MYOCD: variants seen among roughly 807,000 people sequenced by gnomAD.
The protein encoded by MYOCD is myocardin.
In MYOCD, 32 loss-of-function variants were observed where a neutral mutation model predicts 96.1. The observed-to-expected ratio is 0.33, with a 90% CI of 0.25 to 0.45. MYOCD has a LOEUF of 0.45. Among genes scored for constraint, MYOCD ranks in the 20% least tolerant of loss-of-function variants. The pLI is 1.00. For synonymous variants in MYOCD, 469 were observed against 469.0 expected (o/e 1.00, Z 0.00); for missense variants, 1,133 against 1,200.6 (o/e 0.94, Z 0.83).
At position 12,758,151 on chromosome 17, in the gene MYOCD, A is replaced by G. The variant is rs370610730; in HGVS notation, c.2269A>G (p.Lys757Glu). 6.2e-7 allele frequency: 1 copy of G among 1,614,070 alleles called. No individual in the cohort carries two copies. The highest frequency in any genetic ancestry group is 8.5e-7 in the Non-Finnish European group (1 of 1,180,030). The change falls in exon 12 of 14, where the codon AAG (lysine) becomes GAG (glutamate). Residue 757 changes from lysine (K) to glutamate (E), a missense_variant. Transcript: ENST00000425538. ...KFSIPSPTFS[K>E]SSSAISEVTQ... ...TTCAATTCCATCCCCAACTTTTTCT[A>G]AGTCAAGTTCAGCAATTTCAGAGGT...
intron 2 of MYOCD, among the ~76,000 whole-genome samples, chr17:12,714,764 G>A (rs993557218): frequency 1.3e-5 from 2 of 152,128 alleles, no homozygotes; most frequent in East Asian, 1.9e-4. Context: ...GGTTGTTCAC[G>A]GCTGCTGTGT....
chr17:12,702,502 C>T lies in MYOCD; in HGVS notation c.56-2626C>T, dbSNP rs574515642. On this transcript the variant is annotated intron_variant, in intron 1 of 13. Coordinates refer to ENST00000425538, the MANE Select transcript of MYOCD (RefSeq NM_001146312.3). ...TGGCCTTTATAAATTCTTTCTGATA[C>T]ACTCTGTTTTATTTGAGCATTTCAA... 5.3e-4 allele frequency among the ~76,000 whole-genome samples: 81 copies of T among 152,024 alleles called. 1 individual carries two copies. The highest frequency in any genetic ancestry group is 1.9e-3 in the African/African-American group (77 of 41,518).
intron 2 of MYOCD, among the ~76,000 whole-genome samples, chr17:12,715,201 G>T (rs150990818): frequency 6.6e-6 from 1 of 152,102 alleles, no homozygotes; most frequent in Non-Finnish European, 1.5e-5. Context: ...AAACCAGAGC[G>T]TTATTTCTGT....
intron 1 of MYOCD, among the ~76,000 whole-genome samples, chr17:12,693,285 T>C (rs1425622110): frequency 6.6e-6 from 1 of 152,032 alleles, no homozygotes; most frequent in East Asian, 1.9e-4. Context: ...TCGTGGGACA[T>C]TTATGTTTTT....
intron 5 of MYOCD, among the ~76,000 whole-genome samples, chr17:12,735,368 C>T (rs2032311167): frequency 7.1e-6 from 1 of 141,202 alleles, no homozygotes; most frequent in African/African-American, 2.6e-5. Flanking sequence ...CTAGTCCCAT[C>T]TGGTGTGATA....
chr17:12,713,515 A>G (rs957665445), intron 2 of MYOCD, among the ~76,000 whole-genome samples: 3 of 152,190 alleles, frequency 2.0e-5, no homozygotes, highest in African/African-American at 7.2e-5. Context: ...ATTCTTTTTA[A>G]CCACTTAATA....
rs1310611210 is a variant in MYOCD at position 12,722,952 on chromosome 17, A to G, written c.359A>G (p.Glu120Gly). 1.9e-6 allele frequency: 3 copies of G among 1,613,818 alleles called. No individual in the cohort carries two copies. In the African/African-American group the frequency reaches 4.0e-5, roughly 22 times the overall value. ...EKIALRPGPLELVEKNILPVD... is the reference protein window; with the variant it reads ...EKIALRPGPLGLVEKNILPVD... ...ATTGCTCTACGACCAGGGCCACTGG[A>G]GCTGGTGGAAAAAAACATTCTTCCT... The change falls in exon 5 of 14, where the codon GAG becomes GGG. Residue 120 changes from glutamate to glycine, a missense_variant. By Grantham distance (98) the Glu-to-Gly change is moderately conservative (BLOSUM62 -2). Coordinates refer to ENST00000425538, the MANE Select transcript of MYOCD (RefSeq NM_001146312.3).
In MYOCD at chr17:12,665,943, C is replaced by T. The variant is rs900617211; in HGVS notation, c.-246C>T. 1 of 536,468 alleles carries T rather than the reference C, an allele frequency of 1.9e-6. No homozygotes were observed. Among genetic ancestry groups the T allele is most frequent in the East Asian group, 3.1e-5 (1 of 32,708 alleles). The allele number at this position is 536,468 out of a possible 1,614,324, so 33.2% of individuals were successfully genotyped here. On this transcript the variant is annotated 5_prime_UTR_variant, in exon 1 of 14. Transcript: ENST00000425538. This position sits in a 1 kb window ranked among gnomAD's most constrained non-coding sequence, Gnocchi z 4.2. ...GGAACGCCTGGGATGCCGCGCTGCT[C>T]CTGGCCAACCTCCGAGGAGGAGGAG...
chr17:12,744,569 G>A (rs2032608434), intron 8 of MYOCD, 133 bp downstream of exon 8: 3 of 1,299,898 alleles, frequency 2.3e-6, no homozygotes. Context: ...ATGTTTGGAA[G>A]GTGACTCAAT....
intron 9 of MYOCD, among the ~76,000 whole-genome samples, chr17:12,749,667 A>ATG: frequency 1.3e-5 from 1 of 76,976 alleles, no homozygotes; most frequent in Non-Finnish European, 2.9e-5. Flanking sequence ...ATATACACAT[A>ATG]TGTATATACA....
At chr17:12,669,424 C>T (rs991423414) in intron 1 of MYOCD, among the ~76,000 whole-genome samples, 1 of 152,154 alleles carries the variant, frequency 6.6e-6, no homozygotes, top group African/African-American at 2.4e-5. Context: ...TGAACTTGAC[C>T]CCACCCCCAC....
At chr17:12,755,987 G>A (rs1379801445) in intron 10 of MYOCD, among the ~76,000 whole-genome samples, 3 of 152,218 alleles carry the variant, frequency 2.0e-5, no homozygotes, top group African/African-American at 7.2e-5. Flanking sequence ...GAAAGGGCTG[G>A]AAAGGTCCAG....
intron 9 of MYOCD, among the ~76,000 whole-genome samples, chr17:12,749,797 T>C (rs958281129): frequency 1.3e-5 from 2 of 151,126 alleles, no homozygotes; most frequent in African/African-American, 4.9e-5. Flanking sequence ...TTCCTCAGGC[T>C]AGAATAAAAT....
At chr17:12,728,779 A>T (rs186060229) in intron 5 of MYOCD, among the ~76,000 whole-genome samples, 147 of 152,268 alleles carry the variant, frequency 9.7e-4, no homozygotes, top group African/African-American at 3.3e-3. Flanking sequence ...GTGCCCAGCC[A>T]GTCTTTTTAA....
chr17:12,693,186 T>C (rs559546760), intron 1 of MYOCD, among the ~76,000 whole-genome samples: 1 of 152,318 alleles, frequency 6.6e-6, no homozygotes, highest in Non-Finnish European at 1.5e-5. Flanking sequence ...ATATTTTCCC[T>C]TCTTTAGGAA....
Position 12,736,297 on chromosome 17 carries a change from C to T in MYOCD, c.552C>T (p.Ala184=), listed in dbSNP as rs550680272. ...CGGGATCCCCGCCAGACGCTAAAGCCTCAGATACCCCTTCGACAGGTTCTC... is the reference window on the plus strand; with the variant it reads ...CGGGATCCCCGCCAGACGCTAAAGCTTCAGATACCCCTTCGACAGGTTCTC... ...NSAGSPPDAK[A]SDTPSTGSLG... is the part of the protein sequence containing the mutation. The change falls in exon 6 of 14, where the codon GCC becomes GCT. Residue 184 remains alanine (A), a synonymous_variant. Transcript: ENST00000425538. 7.4e-6 allele frequency: 12 copies of T among 1,614,224 alleles called. No homozygotes were observed. In the South Asian group the frequency reaches 1.3e-4, roughly 18 times the overall value.
At chr17:12,671,135 C>T (rs930254907) in intron 1 of MYOCD, among the ~76,000 whole-genome samples, 1 of 152,098 alleles carries the variant, frequency 6.6e-6, no homozygotes, top group Non-Finnish European at 1.5e-5. Flanking sequence ...CTTGTTTATT[C>T]GTGTTTGGTT....
intron 1 of MYOCD, among the ~76,000 whole-genome samples, chr17:12,666,942 C>T (rs1386478139): frequency 6.6e-6 from 1 of 152,162 alleles, no homozygotes; most frequent in East Asian, 1.9e-4. Context: ...GGCTTGTACA[C>T]GCGCCCATGG....
intron 1 of MYOCD, among the ~76,000 whole-genome samples, chr17:12,670,738 G>C (rs1249525827): frequency 6.6e-6 from 1 of 151,976 alleles, no homozygotes; most frequent in Non-Finnish European, 1.5e-5. Flanking sequence ...GTTGCTTTTA[G>C]CCCTAAGATT....
Sources: allele counts gnomAD v4.1 joint callset (sites outside exome capture counted in the v4.1 genomes callset), GRCh38; gene constraint gnomAD v4.1.1; non-coding constraint Gnocchi (gnomAD v3.1); transcripts MANE v1.5; gene names NCBI Gene and HGNC (gene_info 2026-07-23, HGNC 2026-07-21).